NCOA6: variants seen among roughly 807,000 people sequenced by gnomAD.
NCOA6 encodes NRC RAP250.
A neutral mutation model predicts 171.4 loss-of-function variants in NCOA6; 49 were observed. That is an observed-to-expected ratio of 0.29 (90% CI 0.23 to 0.36). NCOA6 has a LOEUF of 0.36. Among genes scored for constraint, NCOA6 ranks in the 10% least tolerant of loss-of-function variants. The pLI, the probability that NCOA6 is intolerant of heterozygous loss-of-function variation, is 1.00. For synonymous variants in NCOA6, 910 were observed against 927.5 expected, an observed-to-expected ratio of 0.98 and a Z score of 0.34; for missense variants, 2,248 against 2,554.5, an observed-to-expected ratio of 0.88 and a Z score of 2.59.
At chr20:34,752,702 G>A (rs919949384) in intron 8 of NCOA6, among the ~76,000 whole-genome samples, 4 of 152,110 alleles carry the variant, frequency 2.6e-5, no homozygotes, top group African/African-American at 7.2e-5. Flanking sequence ...GCCAAGGTGG[G>A]TGGATCACCT....
chr20:34,721,742 G>T (rs1363357945), intron 14 of NCOA6, among the ~76,000 whole-genome samples: 1 of 152,118 alleles, frequency 6.6e-6, no homozygotes, highest in African/African-American at 2.4e-5. Context: ...ACCAGTCCAT[G>T]GCCCGGGGAT....
chr20:34,739,219 T>C (rs553411746), intron 11 of NCOA6, among the ~76,000 whole-genome samples: 1 of 152,296 alleles, frequency 6.6e-6, no homozygotes, highest in African/African-American at 2.4e-5. Context: ...AAAAAGAAAC[T>C]GGGAATAACA....
chr20:34,727,592 T>C (rs1990118438), intron 13 of NCOA6, among the ~76,000 whole-genome samples, 185 bp from the exon 14 acceptor site: 1 of 152,180 alleles, frequency 6.6e-6, no homozygotes, highest in South Asian at 2.1e-4. Flanking sequence ...GGTTTAAAAG[T>C]GAGTCTAGCT....
chr20:34,735,403 T>A (rs2075920993), intron 12 of NCOA6, among the ~76,000 whole-genome samples: 1 of 152,140 alleles, frequency 6.6e-6, no homozygotes. Context: ...CCCAGCACTT[T>A]GGGAGGACGA....
intron 14 of NCOA6, among the ~76,000 whole-genome samples, chr20:34,722,106 C>T (rs1989435871): frequency 6.9e-6 from 1 of 144,082 alleles, no homozygotes; most frequent in Non-Finnish European, 1.5e-5. Context: ...GCCGGCTGGG[C>T]ATGGTGGCTC....
chr20:34,732,732 T>C (rs760333510), intron 12 of NCOA6, 137 bp from the exon 13 acceptor site: 15 of 647,556 alleles, frequency 2.3e-5, no homozygotes, highest in Middle Eastern at 2.5e-4. Context: ...CTACATGGTA[T>C]GGAGACAAAG....
At chr20:34,745,071 G>C (rs142546462) in intron 10 of NCOA6, among the ~76,000 whole-genome samples, 2 of 152,142 alleles carry the variant, frequency 1.3e-5, no homozygotes, top group African/African-American at 4.8e-5. Context: ...GGAAAGCCAG[G>C]ACACACATAG....
chr20:34,723,480 A>G (rs1455413850), intron 14 of NCOA6, among the ~76,000 whole-genome samples: 2 of 152,182 alleles, frequency 1.3e-5, no homozygotes, highest in East Asian at 1.9e-4. Flanking sequence ...ACTGATGCGG[A>G]TATCTATACA....
chr20:34,768,908 T>G (rs1182044997), intron 4 of NCOA6, among the ~76,000 whole-genome samples: 5 of 151,298 alleles, frequency 3.3e-5, no homozygotes, highest in Non-Finnish European at 4.4e-5. Context: ...GTGTGTGGGG[T>G]GTGTGTGTGT....
intron 11 of NCOA6, 60 bp from the exon 12 acceptor site, chr20:34,736,818 C>G: frequency 2.1e-6 from 3 of 1,447,712 alleles, no homozygotes; most frequent in Non-Finnish European, 2.8e-6. Context: ...AAAAAGAAAG[C>G]ATTAACCTAA....
intron 2 of NCOA6, among the ~76,000 whole-genome samples, chr20:34,783,372 G>A (rs2077567662): frequency 6.6e-6 from 1 of 152,106 alleles, no homozygotes; most frequent in Non-Finnish European, 1.5e-5. Context: ...CTAAATTTTA[G>A]ATATAAAGAA....
intron 4 of NCOA6, among the ~76,000 whole-genome samples, chr20:34,769,496 T>A (rs1322191599): frequency 6.6e-6 from 1 of 151,964 alleles, no homozygotes; most frequent in Admixed American, 6.6e-5. Context: ...TCCGAGTAGC[T>A]GGGATTACAG....
chr20:34,762,176 C>T (rs1364045138), intron 5 of NCOA6, among the ~76,000 whole-genome samples: 1 of 152,134 alleles, frequency 6.6e-6, no homozygotes, highest in African/African-American at 2.4e-5. Context: ...TTTCCTTTTA[C>T]ATTATATAGT....
chr20:34,798,492 A>G (rs981483858), intron 1 of NCOA6, among the ~76,000 whole-genome samples: 1 of 152,206 alleles, frequency 6.6e-6, no homozygotes, highest in Non-Finnish European at 1.5e-5. Flanking sequence ...GCCAGGTGGT[A>G]GTTACTACAG....
chr20:34,724,035 T>C (rs535337691), intron 14 of NCOA6, among the ~76,000 whole-genome samples: 13 of 152,320 alleles, frequency 8.5e-5, no homozygotes, highest in African/African-American at 1.7e-4. Context: ...GATTTTCCCA[T>C]AGAACTCTAG....
chr20:34,758,173 G>A (rs1284670116), intron 6 of NCOA6, 69 bp from the exon 7 acceptor site: 1 of 1,528,718 alleles, frequency 6.5e-7, no homozygotes, highest in South Asian at 1.3e-5. Flanking sequence ...AGTGGCCTTT[G>A]TAATTCTGGA....
chr20:34,769,020 G>A (rs571787234), intron 4 of NCOA6, among the ~76,000 whole-genome samples: 5 of 151,592 alleles, frequency 3.3e-5, no homozygotes, highest in Non-Finnish European at 7.4e-5. Context: ...GTTTAAAGAA[G>A]AAAGAACCTA....
intron 3 of NCOA6, among the ~76,000 whole-genome samples, chr20:34,777,401 G>A (rs867390580): frequency 4.6e-5 from 7 of 151,998 alleles, no homozygotes; most frequent in African/African-American, 1.7e-4. Flanking sequence ...GATCACTTGA[G>A]GACAGGAGTT....
intron 1 of NCOA6, among the ~76,000 whole-genome samples, chr20:34,805,092 G>A (rs568056176): frequency 2.7e-5 from 4 of 148,212 alleles, no homozygotes; most frequent in African/African-American, 5.0e-5. Context: ...AGGCTAGAAT[G>A]CAGTGGTACA....
Sources: allele counts gnomAD v4.1 joint callset (sites outside exome capture counted in the v4.1 genomes callset), GRCh38; gene constraint gnomAD v4.1.1; transcripts MANE v1.5; gene names NCBI Gene and HGNC (gene_info 2026-07-23, HGNC 2026-07-21).